CYP2C19: variants seen among roughly 807,000 people sequenced by gnomAD.
CYP2C19 encodes cytochrome P450 2C19.
A neutral mutation model predicts 40.9 loss-of-function variants in CYP2C19; 59 were observed. The ratio of observed to expected loss-of-function variants is 1.44; its 90% CI spans 1.17 to 1.79. The LOEUF is 1.79. CYP2C19 is among the 40% of genes most tolerant of loss of function. The pLI is 0.00. For synonymous variants in CYP2C19, 253 were observed against 208.7 expected, an observed-to-expected ratio of 1.21 and a Z score of -1.83; for missense variants, 754 against 596.9, an observed-to-expected ratio of 1.26 and a Z score of -2.74.
At chr10:94,800,087 G>C (rs1309783827) in intron 5 of CYP2C19, among the ~76,000 whole-genome samples, 1 of 152,092 alleles carries the variant, frequency 6.6e-6, no homozygotes, top group Non-Finnish European at 1.5e-5. Context: ...GAGGCACTCT[G>C]GTTTTTAGAA....
At chr10:94,824,605 C>A (rs1242529492) in intron 6 of CYP2C19, among the ~76,000 whole-genome samples, 1 of 151,842 alleles carries the variant, frequency 6.6e-6, no homozygotes, top group Non-Finnish European at 1.5e-5. Flanking sequence ...TGTTTTTTTC[C>A]AAGACAGTAA....
chr10:94,765,061 C>G (rs1848222132), intron 1 of CYP2C19, among the ~76,000 whole-genome samples: 2 of 152,224 alleles, frequency 1.3e-5, no homozygotes, highest in East Asian at 3.9e-4. Context: ...TGGAGAGTCA[C>G]TGTTGCCAAA....
At chr10:94,808,526 A>T (rs541130288) in intron 5 of CYP2C19, among the ~76,000 whole-genome samples, 1 of 152,154 alleles carries the variant, frequency 6.6e-6, no homozygotes, top group African/African-American at 2.4e-5. Flanking sequence ...ACTAGGACTT[A>T]TTCATTAATT....
rs113934938 is a variant in CYP2C19 at position 94,842,995 on chromosome 10, G to A, written c.1120G>A (p.Val374Ile). 49 of 1,614,172 alleles carry A rather than the reference G, an allele frequency of 3.0e-5. No individual in the cohort carries two copies. Among genetic ancestry groups the A allele is most frequent in the Middle Eastern group, 1.6e-4 (1 of 6,062 alleles). Residue 374 changes from valine to isoleucine, a missense_variant, in exon 7 of 9, where the codon GTT becomes ATT. Val to Ile is a conservative substitution (Grantham distance 29). Coordinates refer to ENST00000371321, the MANE Select transcript of CYP2C19 (RefSeq NM_000769.4). ...TSLPHAVTCD[V>I]KFRNYLIPKG... Reference sequence around the variant, plus strand: ...CCTGCCCCATGCAGTGACCTGTGACGTTAAATTCAGAAACTACCTCATTCC... The same window carrying A: ...CCTGCCCCATGCAGTGACCTGTGACATTAAATTCAGAAACTACCTCATTCC...
chr10:94,830,546 C>T (rs1331370303), intron 6 of CYP2C19, among the ~76,000 whole-genome samples: 3 of 152,162 alleles, frequency 2.0e-5, no homozygotes, highest in African/African-American at 7.2e-5. Flanking sequence ...CTGACCTGCG[C>T]CCACTGTCTG....
chr10:94,851,060 A>G (rs559131706), intron 8 of CYP2C19, among the ~76,000 whole-genome samples: 1 of 152,294 alleles, frequency 6.6e-6, no homozygotes, highest in South Asian at 2.1e-4. Context: ...TAGCACATGT[A>G]TCAGTCCATT....
chr10:94,844,040 A>G (rs1849536956), intron 7 of CYP2C19, among the ~76,000 whole-genome samples: 1 of 152,168 alleles, frequency 6.6e-6, no homozygotes, highest in African/African-American at 2.4e-5. Flanking sequence ...GTTTACATTC[A>G]CAAGGATTTA....
intron 5 of CYP2C19, among the ~76,000 whole-genome samples, chr10:94,820,286 A>C (rs1849092871): frequency 6.6e-6 from 1 of 152,122 alleles, no homozygotes; most frequent in Admixed American, 6.6e-5. Context: ...CCAATATCAT[A>C]CTGAATGGGC....
At chr10:94,792,695 G>A (rs974312597) in intron 5 of CYP2C19, among the ~76,000 whole-genome samples, 1 of 152,140 alleles carries the variant, frequency 6.6e-6, no homozygotes, top group Non-Finnish European at 1.5e-5. Flanking sequence ...ATTCTCTTCT[G>A]GCTTGTAGAG....
At chr10:94,818,797 C>T (rs989071360) in intron 5 of CYP2C19, among the ~76,000 whole-genome samples, 11 of 150,666 alleles carry the variant, frequency 7.3e-5, no homozygotes, top group Admixed American at 2.0e-4. Flanking sequence ...TGGGCTGAGA[C>T]GATGGGGTTT....
At chr10:94,818,839 G>A (rs1041257776) in intron 5 of CYP2C19, among the ~76,000 whole-genome samples, 3 of 151,710 alleles carry the variant, frequency 2.0e-5, no homozygotes, top group African/African-American at 7.3e-5. Flanking sequence ...TCTGCAAACA[G>A]GGACAATTTG....
chr10:94,806,363 TG>T (rs1342859180), intron 5 of CYP2C19, among the ~76,000 whole-genome samples: 3 of 152,122 alleles, frequency 2.0e-5, no homozygotes, highest in African/African-American at 7.2e-5. Flanking sequence ...ATTATGCATA[TG>T]GGTAAATAAA....
intron 6 of CYP2C19, among the ~76,000 whole-genome samples, chr10:94,828,625 A>G (rs1001184916): frequency 6.7e-6 from 1 of 149,550 alleles, no homozygotes; most frequent in Non-Finnish European, 1.5e-5. Flanking sequence ...CCAATTTGCA[A>G]GTCTGTGTCT....
chr10:94,808,329 G>A (rs1291345529), intron 5 of CYP2C19, among the ~76,000 whole-genome samples: 1 of 152,020 alleles, frequency 6.6e-6, no homozygotes, highest in Non-Finnish European at 1.5e-5. Context: ...ATATATATTT[G>A]ATGGGTACAT....
intron 1 of CYP2C19, among the ~76,000 whole-genome samples, chr10:94,769,265 C>G (rs192219723): frequency 6.6e-6 from 1 of 152,290 alleles, no homozygotes; most frequent in Non-Finnish European, 1.5e-5. Context: ...CATCCACGTA[C>G]TGAAGGAACA....
intron 6 of CYP2C19, among the ~76,000 whole-genome samples, chr10:94,836,702 C>G (rs1172573944): frequency 6.6e-6 from 1 of 152,124 alleles, no homozygotes; most frequent in South Asian, 2.1e-4. Flanking sequence ...GGCCCTGGTG[C>G]CTTTGGATAA....
intron 5 of CYP2C19, among the ~76,000 whole-genome samples, chr10:94,819,602 C>T (rs1279080827): frequency 1.6e-4 from 18 of 109,624 alleles, no homozygotes; most frequent in Non-Finnish European, 2.5e-4. Flanking sequence ...TCAGAGAATA[C>T]TACAAACACC....
chr10:94,850,992 G>A (rs1351072968), intron 8 of CYP2C19, among the ~76,000 whole-genome samples: 1 of 152,146 alleles, frequency 6.6e-6, no homozygotes, highest in Non-Finnish European at 1.5e-5. Context: ...TGCTTTATAT[G>A]TGGCACTGTA....
intron 5 of CYP2C19, among the ~76,000 whole-genome samples, chr10:94,790,729 G>A (rs916864910): frequency 7.2e-5 from 11 of 151,846 alleles, no homozygotes; most frequent in Admixed American, 2.0e-4. Context: ...CAACTTGATC[G>A]TGGTGGATAA....
Sources: allele counts gnomAD v4.1 joint callset (sites outside exome capture counted in the v4.1 genomes callset), GRCh38; gene constraint gnomAD v4.1.1; transcripts MANE v1.5; gene names NCBI Gene and HGNC (gene_info 2026-07-23, HGNC 2026-07-21).